CAPZA2: variants seen among roughly 807,000 people sequenced by gnomAD.
CAPZA2 encodes the protein F-actin-capping protein subunit alpha-2.
CAPZA2 carries 13 observed loss-of-function variants against 44.0 expected under a neutral mutation model. The observed-to-expected ratio is 0.30, with a 90% CI of 0.19 to 0.47. CAPZA2 has a LOEUF of 0.47. Ranked by LOEUF, CAPZA2 falls within the 20% of genes least tolerant of loss-of-function variation. CAPZA2 has a pLI of 1.00. For missense variants in CAPZA2, 244 were observed against 338.6 expected (o/e 0.72, Z 2.19); for synonymous variants, 94 against 108.2 (o/e 0.87, Z 0.81).
intron 1 of CAPZA2, among the ~76,000 whole-genome samples, chr7:116,869,931 A>G (rs1241151451): frequency 1.3e-5 from 2 of 152,146 alleles, no homozygotes; most frequent in East Asian, 1.9e-4. Flanking sequence ...GTGCAGTGGC[A>G]CAATCTCGGC....
chr7:116,911,145 C>A (rs992523888), intron 7 of CAPZA2, among the ~76,000 whole-genome samples: 1 of 152,044 alleles, frequency 6.6e-6, no homozygotes, highest in African/African-American at 2.4e-5. Context: ...GTGGCGCTTA[C>A]CTGGATAATT....
At chr7:116,914,432 T>TACATAC (rs1554412157) in intron 8 of CAPZA2, among the ~76,000 whole-genome samples, 1 of 145,140 alleles carries the variant, frequency 6.9e-6, no homozygotes, top group Non-Finnish European at 1.5e-5. Context: ...TATACATACA[T>TACATAC]ACACACACAC....
intron 6 of CAPZA2, among the ~76,000 whole-genome samples, chr7:116,908,497 A>G (rs902609457): frequency 1.3e-5 from 2 of 152,184 alleles, no homozygotes; most frequent in African/African-American, 4.8e-5. Flanking sequence ...ATTAAAGGCT[A>G]GGACATATTG....
At position 116,916,044 on chromosome 7, in the gene CAPZA2, T is replaced by G. The variant is rs754371930; in HGVS notation, c.658-16T>G. 57 of 900,854 alleles carry G rather than the reference T, an allele frequency of 6.3e-5. No individual in the cohort carries two copies. Among genetic ancestry groups the G allele is most frequent in the African/African-American group, 1.3e-4 (6 of 46,058 alleles). The allele number at this position is 900,854 out of a possible 1,614,324, so 55.8% of individuals were successfully genotyped here. A position where few individuals can be genotyped will look rare whatever the true frequency, so the allele number is the denominator to read the frequency against. The stretch of plus-strand genomic sequence containing the variant: ...GTTTTAAATTACTATTTTTATTTTG[T>G]TTTTTTTTTTTTCAGAATGAAGTGC... On this transcript the variant is annotated splice_polypyrimidine_tract_variant and intron_variant, in intron 8 of 9. Coordinates refer to ENST00000361183, the MANE Select transcript of CAPZA2 (RefSeq NM_006136.3).
At chr7:116,879,141 A>G (rs950875811) in intron 1 of CAPZA2, among the ~76,000 whole-genome samples, 1 of 151,082 alleles carries the variant, frequency 6.6e-6, no homozygotes, top group South Asian at 2.1e-4. Flanking sequence ...AAAAAAAAAA[A>G]AAAAAAAAGA....
intron 8 of CAPZA2, 43 bp downstream of exon 8, chr7:116,912,183 G>A (rs1370744688): frequency 1.0e-5 from 16 of 1,602,502 alleles, no homozygotes; most frequent in Admixed American, 1.7e-5. Context: ...TAATACTTCT[G>A]TAAAACCAGA....
At chr7:116,912,445 G>T (rs1406670176) in intron 8 of CAPZA2, among the ~76,000 whole-genome samples, 16 of 151,886 alleles carry the variant, frequency 1.1e-4, no homozygotes, top group Non-Finnish European at 2.4e-4. Context: ...CTCCTTAAAA[G>T]AAACACTGTA....
At chr7:116,882,439 A>G (rs1299149247) in intron 1 of CAPZA2, among the ~76,000 whole-genome samples, 4 of 152,106 alleles carry the variant, frequency 2.6e-5, no homozygotes, top group Non-Finnish European at 4.4e-5. Flanking sequence ...ATTCATTACT[A>G]CCATTATGGA....
intron 4 of CAPZA2, among the ~76,000 whole-genome samples, chr7:116,901,802 C>A (rs1796996949): frequency 6.7e-6 from 1 of 149,224 alleles, no homozygotes; most frequent in African/African-American, 2.5e-5. Context: ...AATTAGAATC[C>A]TGATCAGTTT....
chr7:116,897,817 A>G (rs1017794143), intron 3 of CAPZA2, among the ~76,000 whole-genome samples: 1 of 152,030 alleles, frequency 6.6e-6, no homozygotes, highest in African/African-American at 2.4e-5. Flanking sequence ...TTCCTACCTC[A>G]CACTCTGCGG....
chr7:116,880,765 A>T (rs1346349707), intron 1 of CAPZA2, among the ~76,000 whole-genome samples: 1 of 109,216 alleles, frequency 9.2e-6, no homozygotes, highest in African/African-American at 3.5e-5. Flanking sequence ...CCCAGGCTGG[A>T]GTGCAGTGGT....
chr7:116,911,882 C>G (rs1373291185), intron 7 of CAPZA2, among the ~76,000 whole-genome samples, 187 bp from the exon 8 acceptor site: 1 of 151,632 alleles, frequency 6.6e-6, no homozygotes, highest in African/African-American at 2.4e-5. Flanking sequence ...AGGAATATCT[C>G]TAACTAGTCT....
At chr7:116,862,727 C>T in intron 1 of CAPZA2, 77 bp downstream of exon 1, 1 of 1,456,016 alleles carries the variant, frequency 6.9e-7, no homozygotes. Flanking sequence ...AGTCTGGTCG[C>T]GGGGGAAGGG....
At chr7:116,906,610 C>A in intron 6 of CAPZA2, 1 of 355,574 alleles carries the variant, frequency 2.8e-6, no homozygotes, top group Non-Finnish European at 4.8e-6. Context: ...GCGAGAACAC[C>A]AGTTGGCAAT....
At chr7:116,901,881 A>AAATGTGTG (rs1554410806) in intron 4 of CAPZA2, among the ~76,000 whole-genome samples, 1 of 140,820 alleles carries the variant, frequency 7.1e-6, no homozygotes. Context: ...TAACGAAGAA[A>AAATGTGTG]TGTGTGTGTG....
chr7:116,893,746 A>G (rs1457951452), intron 3 of CAPZA2, among the ~76,000 whole-genome samples: 2 of 152,228 alleles, frequency 1.3e-5, no homozygotes, highest in African/African-American at 4.8e-5. Flanking sequence ...TTATTTACTC[A>G]TAAATGCCTA....
At chr7:116,889,792 T>G (rs1796807210) in intron 2 of CAPZA2, among the ~76,000 whole-genome samples, 1 of 152,190 alleles carries the variant, frequency 6.6e-6, no homozygotes, top group African/African-American at 2.4e-5. Flanking sequence ...AATGGAGAAT[T>G]GGCATTGTAA....
rs570855651 is a variant in CAPZA2, at chr7:116,869,994, C to T, written c.39+7344C>T. Among the ~76,000 whole-genome samples, 34 of 152,250 alleles carry T rather than the reference C, an allele frequency of 2.2e-4. 2 individuals are homozygous for T. The highest frequency in any genetic ancestry group is 2.1e-4 in the South Asian group (1 of 4,816). Reference sequence around the variant, plus strand: ...AGGCAATTCTCCTGCCTCAGCCTTCCGAGTAGCTGGAAGGAGCTCACGTCA... The same window carrying T: ...AGGCAATTCTCCTGCCTCAGCCTTCTGAGTAGCTGGAAGGAGCTCACGTCA... On this transcript the variant is annotated intron_variant, in intron 1 of 9. Coordinates refer to ENST00000361183, the MANE Select transcript of CAPZA2 (RefSeq NM_006136.3).
chr7:116,892,611 C>T (rs1173035875), intron 2 of CAPZA2, among the ~76,000 whole-genome samples: 1 of 151,402 alleles, frequency 6.6e-6, no homozygotes, highest in African/African-American at 2.4e-5. Flanking sequence ...TTGGGCCACA[C>T]ATAAAATACA....
Sources: allele counts gnomAD v4.1 joint callset (sites outside exome capture counted in the v4.1 genomes callset), GRCh38; gene constraint gnomAD v4.1.1; transcripts MANE v1.5; gene names NCBI Gene and HGNC (gene_info 2026-07-23, HGNC 2026-07-21).